The following PLOD2 variants were observed in gnomAD, a reference collection of about 807,000 sequenced individuals.
The protein encoded by PLOD2 is procollagen-lysine,2-oxoglutarate 5-dioxygenase 2.
A neutral mutation model predicts 101.0 loss-of-function variants in PLOD2; 65 were observed. The ratio of observed to expected loss-of-function variants is 0.64; its 90% CI spans 0.53 to 0.79. The LOEUF is 0.79. Among genes scored for constraint, PLOD2 ranks in the 30% least tolerant of loss-of-function variants. The probability of loss-of-function intolerance (pLI) is 0.00; values close to 1 mark genes in which losing one functional copy is unlikely to be tolerated. For missense variants in PLOD2, 909 were observed against 914.6 expected, an observed-to-expected ratio of 0.99 and a Z score of 0.08; for synonymous variants, 314 against 302.9, an observed-to-expected ratio of 1.04 and a Z score of -0.38.
intron 1 of PLOD2, among the ~76,000 whole-genome samples, chr3:146,140,905 G>A (rs2031490771): frequency 6.6e-6 from 1 of 151,962 alleles, no homozygotes; most frequent in South Asian, 2.1e-4. Flanking sequence ...CAGACAGAAT[G>A]TTTTCCACAT....
At chr3:146,153,114 G>C (rs546949813) in intron 1 of PLOD2, among the ~76,000 whole-genome samples, 1 of 152,234 alleles carries the variant, frequency 6.6e-6, no homozygotes, top group East Asian at 1.9e-4. Context: ...CTGAAGACAA[G>C]GTGCCTCAGA....
intron 13 of PLOD2, among the ~76,000 whole-genome samples, chr3:146,078,302 T>C (rs1051306273): frequency 5.3e-5 from 8 of 151,808 alleles, no homozygotes; most frequent in South Asian, 2.1e-4. Flanking sequence ...GGATATTCAA[T>C]AATAATGCAC....
intron 1 of PLOD2, among the ~76,000 whole-genome samples, chr3:146,126,248 T>C (rs1432942779): frequency 6.6e-6 from 1 of 152,134 alleles, no homozygotes; most frequent in African/African-American, 2.4e-5. Context: ...AAATACATAA[T>C]TTTGTTAAAG....
At chr3:146,089,096 T>C (rs1576583817) in intron 8 of PLOD2, among the ~76,000 whole-genome samples, 1 of 151,772 alleles carries the variant, frequency 6.6e-6, no homozygotes, top group East Asian at 1.9e-4. Context: ...CTAATTGTGT[T>C]TCTCTTTTTG....
intron 1 of PLOD2, among the ~76,000 whole-genome samples, chr3:146,146,003 G>A (rs965420993): frequency 6.6e-6 from 1 of 152,110 alleles, no homozygotes; most frequent in Non-Finnish European, 1.5e-5. Context: ...AAAACAATAA[G>A]GATGGTGAGG....
At chr3:146,084,663 T>C (rs1297899627) in intron 11 of PLOD2, among the ~76,000 whole-genome samples, 1 of 152,072 alleles carries the variant, frequency 6.6e-6, no homozygotes, top group Non-Finnish European at 1.5e-5. Context: ...ACATGGTGTC[T>C]TTTTCCCATT....
At chr3:146,108,205 G>T (rs1174951963) in intron 4 of PLOD2, among the ~76,000 whole-genome samples, 1 of 151,504 alleles carries the variant, frequency 6.6e-6, no homozygotes, top group Non-Finnish European at 1.5e-5. Context: ...TTGGAGATGG[G>T]GCTCTCACTC....
At position 146,124,150 on chromosome 3, in the gene PLOD2, A is replaced by T. The variant is rs757997471; in HGVS notation, c.189T>A (p.Asn63Lys). The part of the protein sequence containing the change: ...HRFMQSAKYF[N>K]YTVKVLGQGE... ...GGATATACCATACCTTCACAGTATAATTGAAATATTTGGCTGACTGCATAA... is the reference window on the plus strand; with the variant it reads ...GGATATACCATACCTTCACAGTATATTTGAAATATTTGGCTGACTGCATAA... Residue 63 changes from asparagine to lysine, a missense_variant, in exon 2 of 20, where the codon AAT (asparagine) becomes AAA (lysine). By Grantham distance (94) the Asn-to-Lys change is moderately conservative (BLOSUM62 0). Coordinates refer to ENST00000282903, the MANE Select transcript of PLOD2 (RefSeq NM_182943.3). 2.6e-6 allele frequency: 4 copies of T among 1,548,402 alleles called. No individual in the cohort carries two copies. The highest frequency in any genetic ancestry group is 2.7e-5 in the African/African-American group (2 of 73,620).
chr3:146,082,138 T>C (rs976235275), intron 11 of PLOD2, among the ~76,000 whole-genome samples: 3 of 152,184 alleles, frequency 2.0e-5, no homozygotes, highest in Non-Finnish European at 4.4e-5. Context: ...AAAATGACTT[T>C]TAAAAATGCC....
chr3:146,149,056 A>C (rs1239952299), intron 1 of PLOD2, among the ~76,000 whole-genome samples: 1 of 152,252 alleles, frequency 6.6e-6, no homozygotes, highest in Non-Finnish European at 1.5e-5. Context: ...TTACATAAGC[A>C]TAATTTCCCT....
chr3:146,142,171 C>T (rs1394047740), intron 1 of PLOD2, among the ~76,000 whole-genome samples: 1 of 152,022 alleles, frequency 6.6e-6, no homozygotes, highest in Non-Finnish European at 1.5e-5. Context: ...TCTAAATAAA[C>T]TACAAGTAAA....
intron 1 of PLOD2, among the ~76,000 whole-genome samples, chr3:146,152,378 C>A (rs1559874792): frequency 1.3e-5 from 2 of 152,058 alleles, no homozygotes; most frequent in Non-Finnish European, 2.9e-5. Context: ...CGAGATTGCA[C>A]CACTCCACTC....
chr3:146,134,923 G>A (rs941037663), intron 1 of PLOD2, among the ~76,000 whole-genome samples: 2 of 152,140 alleles, frequency 1.3e-5, no homozygotes, highest in Non-Finnish European at 2.9e-5. Flanking sequence ...CGAAATTAAA[G>A]CAATGAAAAT....
intron 1 of PLOD2, among the ~76,000 whole-genome samples, chr3:146,147,942 T>C (rs1193971769): frequency 6.6e-6 from 1 of 152,144 alleles, no homozygotes; most frequent in Non-Finnish European, 1.5e-5. Flanking sequence ...TTTCCAGGCC[T>C]TCTTTTCCTT....
chr3:146,087,513 T>G (rs1233418956), intron 9 of PLOD2, among the ~76,000 whole-genome samples: 3 of 151,936 alleles, frequency 2.0e-5, no homozygotes, highest in Non-Finnish European at 4.4e-5. Flanking sequence ...AATTTTAGTG[T>G]GATTCGACTG....
Position 146,160,953 on chromosome 3 carries a change from G to C in PLOD2, c.37C>G (p.Leu13Val). 1 of 1,600,034 alleles carries C rather than the reference G, an allele frequency of 6.2e-7. No homozygotes were observed. Among genetic ancestry groups the C allele is most frequent in the Non-Finnish European group, 8.5e-7 (1 of 1,173,728 alleles). ...TTCCAGGGGTGGAGGACGAGCGCCA[G>C]GAGCAGCAGCTGAGGCTTCACCGTG... ...GCTVKPQLLL[L>V]ALVLHPWNPC... The change falls in exon 1 of 20, where the codon CTG becomes GTG. Residue 13 changes from leucine (L) to valine (V), a missense_variant. Coordinates refer to ENST00000282903, the MANE Select transcript of PLOD2 (RefSeq NM_182943.3).
chr3:146,107,621 A>C (rs1035824113), intron 4 of PLOD2, among the ~76,000 whole-genome samples: 6 of 134,530 alleles, frequency 4.5e-5, no homozygotes, highest in Admixed American at 1.8e-4. Context: ...TTGCCATATA[A>C]ATTTTTTTTT....
intron 4 of PLOD2, among the ~76,000 whole-genome samples, chr3:146,110,023 C>A (rs1937600377): frequency 6.6e-6 from 1 of 151,992 alleles, no homozygotes; most frequent in African/African-American, 2.4e-5. Flanking sequence ...CTTCCTTTAA[C>A]AACAGAATAT....
chr3:146,119,195 C>A (rs186636518), intron 3 of PLOD2, among the ~76,000 whole-genome samples: 1 of 152,018 alleles, frequency 6.6e-6, no homozygotes, highest in African/African-American at 2.4e-5. Flanking sequence ...TGTAGCACAT[C>A]CCCTCACTTC....
Sources: allele counts gnomAD v4.1 joint callset (sites outside exome capture counted in the v4.1 genomes callset), GRCh38; gene constraint gnomAD v4.1.1; transcripts MANE v1.5; gene names NCBI Gene and HGNC (gene_info 2026-07-23, HGNC 2026-07-21).